Variants in RARB observed in about 807,000 individuals in gnomAD.
RARB encodes HBV-activated protein.
A neutral mutation model predicts 51.9 loss-of-function variants in RARB; 17 were observed. That is an observed-to-expected ratio of 0.33 (90% CI 0.22 to 0.49). The LOEUF (loss-of-function observed/expected upper bound fraction) is 0.49. RARB is among the 20% of genes least tolerant of loss of function. The probability of loss-of-function intolerance (pLI) is 0.99; values close to 1 mark genes in which losing one functional copy is unlikely to be tolerated. For synonymous variants in RARB, 215 were observed against 195.4 expected (o/e 1.10, Z -0.84); for missense variants, 369 against 550.8 (o/e 0.67, Z 3.30).
At chr3:24,979,474 C>G (rs1341673365) in intron 2 of RARB, among the ~76,000 whole-genome samples, 1 of 152,062 alleles carries the variant, frequency 6.6e-6, no homozygotes, top group Non-Finnish European at 1.5e-5. Context: ...TTGGATTGAT[C>G]CCTTTACCAT....
chr3:25,101,438 G>GA (rs1448286665), intron 3 of RARB, among the ~76,000 whole-genome samples: 1 of 152,048 alleles, frequency 6.6e-6, no homozygotes, highest in African/African-American at 2.4e-5. Context: ...GTATTATCTA[G>GA]AATATATCCT....
At chr3:25,327,067 C>T (rs1704741246) in intron 5 of RARB, among the ~76,000 whole-genome samples, 1 of 151,880 alleles carries the variant, frequency 6.6e-6, no homozygotes, top group South Asian at 2.1e-4. Context: ...TCAATTCCCA[C>T]CTATAAGTGA....
In RARB at chr3:25,068,133, C is replaced by CAAAA. The variant is rs55826425; in HGVS notation, c.-328+7997_-328+8000dup. Among the ~76,000 whole-genome samples, 51 of 33,266 alleles carry CAAAA rather than the reference C, an allele frequency of 1.5e-3. 8 individuals are homozygous for CAAAA. The highest frequency in any genetic ancestry group is 2.3e-3 in the South Asian group (1 of 428). The allele number at this position is 33,266 out of a possible 152,430, so 21.8% of individuals were successfully genotyped here. A position where few individuals can be genotyped will look rare whatever the true frequency, so the allele number is the denominator to read the frequency against. On this transcript the variant is annotated intron_variant, in intron 3 of 11. Coordinates refer to the RARB transcript ENST00000383772. ...TGGGCGACAGAGAGAGACTCCATCT[C>CAAAA]AAAAAAAAAAAAAAAAAAAAAAAAA...
chr3:25,572,357 T>C (rs1389487427), intron 4 of RARB, among the ~76,000 whole-genome samples: 1 of 152,216 alleles, frequency 6.6e-6, no homozygotes, highest in Non-Finnish European at 1.5e-5. Flanking sequence ...CTAGGGACCA[T>C]GCTAAGTACT....
chr3:24,835,636 G>A (rs184834663), intron 1 of RARB, among the ~76,000 whole-genome samples: 484 of 152,286 alleles, frequency 3.2e-3, no homozygotes, highest in African/African-American at 0.011. Context: ...AAAAGCATGG[G>A]AGTGGCAATT....
intron 3 of RARB, among the ~76,000 whole-genome samples, chr3:25,065,183 G>C (rs1006237208): frequency 6.7e-6 from 1 of 149,470 alleles, no homozygotes; most frequent in African/African-American, 2.5e-5. Flanking sequence ...TTAAAAAATT[G>C]TTATTATTTT....
intron 4 of RARB, among the ~76,000 whole-genome samples, chr3:25,161,549 C>T (rs1169276368): frequency 6.6e-6 from 1 of 152,076 alleles, no homozygotes; most frequent in Non-Finnish European, 1.5e-5. Flanking sequence ...TCTGCTTCTC[C>T]ATACTTTCAT....
intron 2 of RARB, among the ~76,000 whole-genome samples, chr3:24,960,958 C>CGGGGCCTGTGAGA (rs1442091578): frequency 6.6e-6 from 1 of 152,024 alleles, no homozygotes; most frequent in Admixed American, 6.6e-5. Flanking sequence ...TAACTAGTGG[C>CGGGGCCTGTGAGA]GGGGCCTGTG....
intron 2 of RARB, among the ~76,000 whole-genome samples, chr3:24,875,104 T>C (rs6777344): frequency 0.098 from 14,965 of 152,204 alleles, 1,099 homozygotes; most frequent in East Asian, 0.19. Flanking sequence ...TTTCTAATCT[T>C]ACATTTTAAC....
chr3:24,891,520 A>G (rs1559384938), intron 2 of RARB, among the ~76,000 whole-genome samples: 1 of 152,204 alleles, frequency 6.6e-6, no homozygotes, highest in African/African-American at 2.4e-5. Flanking sequence ...AGCATATAGT[A>G]AACATTCAGC....
intron 2 of RARB, among the ~76,000 whole-genome samples, chr3:24,940,904 A>G (rs746273613): frequency 6.6e-6 from 1 of 152,156 alleles, no homozygotes; most frequent in Non-Finnish European, 1.5e-5. Flanking sequence ...TTAGGGAGAA[A>G]ATGAGAACTG....
intron 2 of RARB, among the ~76,000 whole-genome samples, chr3:24,994,629 G>A (rs996570755): frequency 6.6e-6 from 1 of 151,974 alleles, no homozygotes; most frequent in South Asian, 2.1e-4. Flanking sequence ...ATTGTTTCGG[G>A]TACCACATGT....
intron 2 of RARB, among the ~76,000 whole-genome samples, chr3:25,011,375 C>A (rs62228476): frequency 6.6e-6 from 1 of 152,048 alleles, no homozygotes; most frequent in African/African-American, 2.4e-5. Flanking sequence ...GGTGAGGGAG[C>A]AAACCATGTA....
intron 3 of RARB, among the ~76,000 whole-genome samples, chr3:25,094,078 A>G (rs536080699): frequency 6.6e-6 from 1 of 152,294 alleles, no homozygotes; most frequent in South Asian, 2.1e-4. Flanking sequence ...AGAGAAAATG[A>G]TGACAGAACC....
intron 2 of RARB, among the ~76,000 whole-genome samples, chr3:25,493,959 A>T (rs373726192): frequency 5.3e-5 from 8 of 152,190 alleles, no homozygotes; most frequent in Admixed American, 4.6e-4. Context: ...GAGTCAGCAG[A>T]TTGCACTGTT....
intron 5 of RARB, among the ~76,000 whole-genome samples, chr3:25,193,597 ATTG>A (rs1158801289): frequency 6.6e-6 from 1 of 152,038 alleles, no homozygotes; most frequent in Non-Finnish European, 1.5e-5. Context: ...ATCAAATTTT[ATTG>A]TTCATTTTAG....
chr3:25,072,018 A>G (rs1170004281), intron 3 of RARB, among the ~76,000 whole-genome samples: 3 of 152,212 alleles, frequency 2.0e-5, no homozygotes, highest in Non-Finnish European at 4.4e-5. Flanking sequence ...GCATAGACAG[A>G]AAATGCTGTC....
At chr3:25,190,995 A>G (rs1479326302) in intron 5 of RARB, among the ~76,000 whole-genome samples, 1 of 151,996 alleles carries the variant, frequency 6.6e-6, no homozygotes, top group East Asian at 1.9e-4. Context: ...CCATCATCTA[A>G]CTCTTTTCCT....
chr3:25,493,455 C>A (rs2125594904), intron 2 of RARB, among the ~76,000 whole-genome samples: 1 of 152,304 alleles, frequency 6.6e-6, no homozygotes, highest in Admixed American at 6.5e-5. Flanking sequence ...TTACTACTGG[C>A]TGGAAATGAG....
Sources: allele counts gnomAD v4.1 joint callset (sites outside exome capture counted in the v4.1 genomes callset), GRCh38; gene constraint gnomAD v4.1.1; transcripts MANE v1.5; gene names NCBI Gene and HGNC (gene_info 2026-07-23, HGNC 2026-07-21).